The following SLC22A24 variants were observed in gnomAD, a reference collection of about 807,000 sequenced individuals.
The protein encoded by SLC22A24 is solute carrier family 22 member 24.
Under a neutral mutation model 49.8 loss-of-function variants are expected in SLC22A24, and 53 were observed. The ratio of observed to expected loss-of-function variants is 1.06; its 90% confidence interval spans 0.85 to 1.34. The LOEUF (loss-of-function observed/expected upper bound fraction) is 1.34. Among genes scored for constraint, SLC22A24 ranks in the 40% most tolerant of loss-of-function variants. The pLI is 0.00. For missense variants in SLC22A24, 786 were observed against 675.9 expected, an observed-to-expected ratio of 1.16 and a Z score of -1.81; for synonymous variants, 302 against 256.4, an observed-to-expected ratio of 1.18 and a Z score of -1.70.
rs151229461 is a variant in SLC22A24 at position 63,113,115 on chromosome 11, C to T, written c.830+5797G>A. ...ACATATATATATACATATATATACA[C>T]ATATATATATACATATATATATACA... On this transcript the variant is annotated intron_variant, in intron 4 of 9. Transcript: ENST00000612278. Among the ~76,000 whole-genome samples the T allele has an allele frequency of 3.9e-3, 12 of 3,092 alleles. 1 individual carries two copies. Among genetic ancestry groups the T allele is most frequent in the Non-Finnish European group, 0.012 (7 of 570 alleles). 2.0% of individuals were successfully genotyped at this position (3,092 alleles called of 152,430 possible). A position where few individuals can be genotyped will look rare whatever the true frequency, so the allele number is the denominator to read the frequency against.
chr11:63,101,069 AG>A (rs1463099812), intron 5 of SLC22A24, among the ~76,000 whole-genome samples: 5 of 152,148 alleles, frequency 3.3e-5, no homozygotes, highest in African/African-American at 9.7e-5. Context: ...CATGTTAAAA[AG>A]CTTCTGCACA....
intron 2 of SLC22A24, among the ~76,000 whole-genome samples, chr11:63,122,234 C>G (rs1160284918): frequency 2.0e-5 from 3 of 152,108 alleles, no homozygotes; most frequent in East Asian, 1.9e-4. Flanking sequence ...TACGCTAACT[C>G]CAGACCTGAC....
intron 1 of SLC22A24, among the ~76,000 whole-genome samples, chr11:63,136,795 C>A (rs1224240633): frequency 6.6e-6 from 1 of 152,192 alleles, no homozygotes. Context: ...GATCCAGAAG[C>A]CAGCCCAAGT....
intron 6 of SLC22A24, among the ~76,000 whole-genome samples, chr11:63,086,773 A>G (rs887933211): frequency 1.3e-5 from 2 of 152,168 alleles, no homozygotes; most frequent in Non-Finnish European, 2.9e-5. Flanking sequence ...CTCAAAATAT[A>G]TGGAAATGAG....
Position 63,081,016 on chromosome 11 carries a change from T to C in SLC22A24, c.1502A>G (p.Tyr501Cys), listed in dbSNP as rs2135189290. The C allele has an allele frequency of 6.4e-7, 1 of 1,551,586 alleles. No individual in the cohort carries two copies. Among genetic ancestry groups the C allele is most frequent in the Non-Finnish European group, 8.7e-7 (1 of 1,146,984 alleles). The change falls in exon 9 of 10, where the codon TAT (tyrosine) becomes TGT (cysteine). Residue 501 changes from tyrosine to cysteine, a missense_variant. Coordinates refer to ENST00000612278, the MANE Select transcript of SLC22A24 (RefSeq NM_001136506.2). ...GACAGCAAGGATGGGGAAGACTCCA[T>C]AGGAAATCCAGGGTAGGTGGGGAGA... is the stretch of plus-strand genomic sequence containing the variant. ...AYSPHLPWISYGVFPILAVPV... is the reference protein window; with the variant it reads ...AYSPHLPWISCGVFPILAVPV...
intron 2 of SLC22A24, among the ~76,000 whole-genome samples, chr11:63,133,534 C>T (rs1438054777): frequency 6.6e-6 from 1 of 152,172 alleles, no homozygotes; most frequent in Admixed American, 6.5e-5. Flanking sequence ...GGGTGACATG[C>T]TTCAGTGACA....
chr11:63,120,631 G>A (rs4963246), intron 2 of SLC22A24, among the ~76,000 whole-genome samples: 116,373 of 151,830 alleles, frequency 0.77, 46,597 homozygotes, highest in East Asian at 0.9. Context: ...GGCAGGAAGG[G>A]CAGGCACCCT....
chr11:63,099,137 G>C (rs1204505318), intron 5 of SLC22A24, among the ~76,000 whole-genome samples: 3 of 152,002 alleles, frequency 2.0e-5, no homozygotes, highest in African/African-American at 7.2e-5. Context: ...TCCCAGCAAA[G>C]TAAGCACAGG....
chr11:63,134,849 TA>T, intron 1 of SLC22A24, 81 bp from the exon 2 acceptor site: 1 of 942,364 alleles, frequency 1.1e-6, no homozygotes, highest in Non-Finnish European at 1.7e-6. Context: ...AACTCCTACA[TA>T]TGGTGTACAC....
intron 1 of SLC22A24, among the ~76,000 whole-genome samples, chr11:63,137,131 G>A (rs1394856341): frequency 1.3e-5 from 2 of 152,132 alleles, no homozygotes; most frequent in South Asian, 2.1e-4. Flanking sequence ...ATTGCAGGGT[G>A]TCTGTTTGGC....
chr11:63,106,999 C>T (rs1460068854), intron 4 of SLC22A24, among the ~76,000 whole-genome samples: 1 of 152,100 alleles, frequency 6.6e-6, no homozygotes. Context: ...TCATGAAGTC[C>T]TTGCCCATGC....
intron 2 of SLC22A24, among the ~76,000 whole-genome samples, chr11:63,126,539 C>T (rs934795814): frequency 6.6e-6 from 1 of 152,118 alleles, no homozygotes; most frequent in Non-Finnish European, 1.5e-5. Context: ...GGAACCAGTA[C>T]CATGCTGTTT....
intron 6 of SLC22A24, among the ~76,000 whole-genome samples, chr11:63,091,072 T>C (rs1031598649): frequency 1.3e-5 from 2 of 149,184 alleles, no homozygotes; most frequent in Non-Finnish European, 3.0e-5. Context: ...GAAAAAGAGG[T>C]ATCACCACTG....
intron 1 of SLC22A24, among the ~76,000 whole-genome samples, chr11:63,141,029 T>G (rs965968511): frequency 6.6e-6 from 1 of 152,252 alleles, no homozygotes; most frequent in Non-Finnish European, 1.5e-5. Flanking sequence ...CTAATCATAC[T>G]GATGTGGGGC....
At chr11:63,101,651 C>T (rs2087091780) in intron 5 of SLC22A24, among the ~76,000 whole-genome samples, 1 of 151,976 alleles carries the variant, frequency 6.6e-6, no homozygotes, top group African/African-American at 2.4e-5. Flanking sequence ...ATGTTTATTG[C>T]AGCAACATTC....
chr11:63,126,819 T>G (rs1461843047), intron 2 of SLC22A24, among the ~76,000 whole-genome samples: 1 of 152,140 alleles, frequency 6.6e-6, no homozygotes, highest in Non-Finnish European at 1.5e-5. Context: ...TTTGTTGGTG[T>G]CCTCCCATTT....
intron 1 of SLC22A24, among the ~76,000 whole-genome samples, chr11:63,139,342 C>T (rs1415883770): frequency 6.6e-6 from 1 of 152,192 alleles, no homozygotes; most frequent in Non-Finnish European, 1.5e-5. Flanking sequence ...GGATAGATCC[C>T]TCTCAAAATG....
chr11:63,112,623 C>A (rs1357982827), intron 4 of SLC22A24, among the ~76,000 whole-genome samples: 1 of 152,022 alleles, frequency 6.6e-6, no homozygotes, highest in African/African-American at 2.4e-5. Context: ...TTCAGTTGTG[C>A]TCAGATCTTA....
chr11:63,111,851 C>T (rs1361370189), intron 4 of SLC22A24, among the ~76,000 whole-genome samples: 1 of 151,936 alleles, frequency 6.6e-6, no homozygotes, highest in Non-Finnish European at 1.5e-5. Context: ...CTATTTCCTT[C>T]ATTTCTGCTC....
Sources: allele counts gnomAD v4.1 joint callset (sites outside exome capture counted in the v4.1 genomes callset), GRCh38; gene constraint gnomAD v4.1.1; transcripts MANE v1.5; gene names NCBI Gene and HGNC (gene_info 2026-07-23, HGNC 2026-07-21).